The following PTPRR variants were observed in gnomAD, a reference collection of about 807,000 sequenced individuals.
PTPRR encodes the protein receptor-type tyrosine-protein phosphatase R.
Under a neutral mutation model 77.2 loss-of-function variants are expected in PTPRR, and 38 were observed. That is an observed-to-expected ratio of 0.49 (90% confidence interval 0.38 to 0.65). PTPRR has a LOEUF of 0.65. Among genes scored for constraint, PTPRR ranks in the 30% least tolerant of loss-of-function variants. PTPRR has a pLI of 0.00. For missense variants in PTPRR, 744 were observed against 799.2 expected (o/e 0.93, Z 0.83); for synonymous variants, 299 against 283.1 (o/e 1.06, Z -0.57).
intron 1 of PTPRR, among the ~76,000 whole-genome samples, chr12:70,918,250 G>T (rs545657889): frequency 6.6e-6 from 1 of 152,126 alleles, no homozygotes; most frequent in Non-Finnish European, 1.5e-5. Context: ...AAATTAAAAT[G>T]CATTTAAAAT....
intron 2 of PTPRR, among the ~76,000 whole-genome samples, chr12:70,809,047 C>T (rs370141483): frequency 1.1e-4 from 17 of 152,250 alleles, no homozygotes; most frequent in Non-Finnish European, 1.5e-4. Flanking sequence ...TGCCATTTCC[C>T]GCCAGAAGGG....
intron 4 of PTPRR, among the ~76,000 whole-genome samples, chr12:70,760,662 G>A (rs934605440): frequency 1.3e-5 from 2 of 152,174 alleles, no homozygotes; most frequent in Admixed American, 1.3e-4. Context: ...TAGATCTTAG[G>A]TGGTGCTTTA....
At position 70,669,557 on chromosome 12, in the gene PTPRR, T is replaced by TACAC. The variant is rs1428335906; in HGVS notation, c.1498-6953_1498-6952insGTGT. ...ACACACAAGCCATATATATATATGT[T>TACAC]ATACACACACACACACACACACACA... On this transcript the variant is annotated intron_variant, in intron 10 of 13. Coordinates refer to ENST00000283228, the MANE Select transcript of PTPRR (RefSeq NM_002849.4). Among the ~76,000 whole-genome samples, 192 of 100,930 alleles carry TACAC rather than the reference T, an allele frequency of 1.9e-3. 1 individual carries two copies. Among genetic ancestry groups the TACAC allele is most frequent in the Non-Finnish European group, 2.6e-3 (142 of 55,364 alleles). 66.2% of individuals were successfully genotyped at this position (100,930 alleles called of 152,430 possible). A position where few individuals can be genotyped will look rare whatever the true frequency, so the allele number is the denominator to read the frequency against.
At chr12:70,827,528 T>TTTTC (rs143441415) in intron 2 of PTPRR, among the ~76,000 whole-genome samples, 51 of 149,628 alleles carry the variant, frequency 3.4e-4, no homozygotes, top group East Asian at 1.8e-3. Context: ...ATCTTTTCTT[T>TTTTC]TTTCTTTCTT....
chr12:70,920,672 C>T lies in PTPRR; in HGVS notation c.-282G>A. On this transcript the variant is annotated 5_prime_UTR_variant, in exon 1 of 14. Transcript: ENST00000283228. ...CCTTCTGGACGCCCAGAAGCCAAGG[C>T]GGAGACGGCAGGGTGGACTCCGCGC... The T allele has an allele frequency of 5.5e-6, 2 of 362,720 alleles. No individual in the cohort carries two copies. Among genetic ancestry groups the T allele is most frequent in the East Asian group, 1.1e-4 (2 of 18,940 alleles). The allele number at this position is 362,720 out of a possible 1,614,324, so 22.5% of individuals were successfully genotyped here.
chr12:70,882,406 A>T (rs925036464), intron 2 of PTPRR, among the ~76,000 whole-genome samples: 5 of 152,150 alleles, frequency 3.3e-5, no homozygotes, highest in African/African-American at 1.2e-4. Context: ...TTCCCAGAGG[A>T]TATAGAACAC....
At chr12:70,844,649 T>C (rs1030104724) in intron 2 of PTPRR, among the ~76,000 whole-genome samples, 1 of 152,192 alleles carries the variant, frequency 6.6e-6, no homozygotes, top group African/African-American at 2.4e-5. Flanking sequence ...TACAGTGTGA[T>C]GATTGTGGTT....
At chr12:70,655,442 A>G (rs568467892) in intron 13 of PTPRR, among the ~76,000 whole-genome samples, 1 of 152,348 alleles carries the variant, frequency 6.6e-6, no homozygotes, top group East Asian at 1.9e-4. Flanking sequence ...ATATTTGCAT[A>G]CGCATGTTCA....
intron 2 of PTPRR, among the ~76,000 whole-genome samples, chr12:70,879,875 G>A (rs772362854): frequency 1.4e-4 from 22 of 152,124 alleles, no homozygotes; most frequent in Non-Finnish European, 2.8e-4. Flanking sequence ...TTAAATTAGA[G>A]GAAAAATGAG....
chr12:70,742,549 G>T (rs117833608), intron 6 of PTPRR, among the ~76,000 whole-genome samples: 1 of 152,184 alleles, frequency 6.6e-6, no homozygotes, highest in Non-Finnish European at 1.5e-5. Flanking sequence ...CCAAAGGCCA[G>T]ATCAGAAAGG....
chr12:70,772,726 A>G (rs1298437422), intron 2 of PTPRR, among the ~76,000 whole-genome samples: 4 of 152,184 alleles, frequency 2.6e-5, no homozygotes, highest in Non-Finnish European at 4.4e-5. Context: ...GGGCAGAATC[A>G]TTGAAAAAAA....
Position 70,920,708 on chromosome 12 carries a change from G to A in PTPRR, c.-318C>T. On this transcript the variant is annotated 5_prime_UTR_variant, in exon 1 of 14. Transcript: ENST00000283228. ...GGGTGGACTCCGCGCCAGCCCAGCA[G>A]CCCAGCAGCAGCGCCGCGGCTACTG... The A allele has an allele frequency of 9.2e-6, 3 of 327,250 alleles. No homozygotes were observed. The highest frequency in any genetic ancestry group is 3.9e-5 in the Admixed American group (1 of 25,778). The allele number at this position is 327,250 out of a possible 1,614,324, so 20.3% of individuals were successfully genotyped here.
At chr12:70,822,076 A>G (rs1311771626) in intron 2 of PTPRR, among the ~76,000 whole-genome samples, 1 of 152,258 alleles carries the variant, frequency 6.6e-6, no homozygotes, top group Non-Finnish European at 1.5e-5. Flanking sequence ...CATTCCAGGA[A>G]GTTCTCACCT....
In PTPRR at chr12:70,904,502, A is replaced by G. The variant is rs192005635; in HGVS notation, c.59-11525T>C. On this transcript the variant is annotated intron_variant, in intron 1 of 13. Transcript: ENST00000283228. ...TGACATTCTCAAAAGACAAAAAAAT[A>G]TAGTTATGAAATACAGATCAGTGGT... 8.6e-5 allele frequency among the ~76,000 whole-genome samples: 13 copies of G among 152,018 alleles called. No individual in the cohort carries two copies. The East Asian group carries it at 2.3e-3, about 27-fold the overall frequency.
intron 6 of PTPRR, among the ~76,000 whole-genome samples, chr12:70,708,151 A>G (rs1888686099): frequency 6.6e-6 from 1 of 152,104 alleles, no homozygotes; most frequent in Non-Finnish European, 1.5e-5. Flanking sequence ...TTCACTAGAA[A>G]TGATTTGCAG....
At chr12:70,689,491 A>G (rs1485874298) in intron 8 of PTPRR, among the ~76,000 whole-genome samples, 1 of 152,110 alleles carries the variant, frequency 6.6e-6, no homozygotes, top group Non-Finnish European at 1.5e-5. Context: ...TTGTTACCTT[A>G]TCTTTTTCCT....
intron 5 of PTPRR, 61 bp from the exon 6 acceptor site, chr12:70,746,147 C>T: frequency 6.8e-7 from 1 of 1,480,734 alleles, no homozygotes; most frequent in Non-Finnish European, 9.2e-7. Flanking sequence ...AGAGTATGAT[C>T]TCCTCCACCC....
chr12:70,688,196 C>G (rs1363629743), intron 8 of PTPRR, among the ~76,000 whole-genome samples: 1 of 151,952 alleles, frequency 6.6e-6, no homozygotes, highest in Non-Finnish European at 1.5e-5. Context: ...TGGATATGAC[C>G]CTGAAAGCAC....
At chr12:70,672,944 G>A in intron 10 of PTPRR, 2 of 1,440,614 alleles carry the variant, frequency 1.4e-6, no homozygotes, top group Non-Finnish European at 1.9e-6. Context: ...AATGCCAGGT[G>A]TGGGCAGGTG....
Sources: gnomAD v4.1 joint callset for allele counts (sites outside exome capture counted in the v4.1 genomes callset) on GRCh38, gnomAD v4.1.1 for gene constraint, MANE v1.5 for transcripts, NCBI Gene and HGNC (gene_info 2026-07-23, HGNC 2026-07-21) for gene names.